The following SLIT3 variants were observed in gnomAD, a reference collection of about 807,000 sequenced individuals.
The protein encoded by SLIT3 is slit homolog 3 protein.
In SLIT3, 68 loss-of-function variants were observed where a neutral mutation model predicts 184.0. The ratio of observed to expected loss-of-function variants is 0.37; its 90% CI spans 0.30 to 0.45. The LOEUF is 0.45. SLIT3 is among the 20% of genes least tolerant of loss of function. The pLI is 1.00. For missense variants in SLIT3, 1,707 were observed against 2,026.0 expected (o/e 0.84, Z 3.02); for synonymous variants, 831 against 828.6 (o/e 1.00, Z -0.05).
intron 4 of SLIT3, among the ~76,000 whole-genome samples, chr5:168,937,211 G>A (rs533018486): frequency 6.6e-6 from 1 of 152,230 alleles, no homozygotes; most frequent in South Asian, 2.1e-4. Context: ...CAGAGGCCAA[G>A]GGGTGAGTGC....
chr5:169,162,039 A>G (rs1762498444), intron 4 of SLIT3, among the ~76,000 whole-genome samples: 1 of 152,252 alleles, frequency 6.6e-6, no homozygotes, highest in African/African-American at 2.4e-5. Context: ...CTATGTATAT[A>G]TGGGATATTC....
At chr5:168,892,501 G>T (rs1731105346) in intron 4 of SLIT3, among the ~76,000 whole-genome samples, 1 of 152,214 alleles carries the variant, frequency 6.6e-6, no homozygotes, top group Non-Finnish European at 1.5e-5. Context: ...ACTGCTTGGG[G>T]GTTCTGAGTA....
chr5:169,246,288 G>C (rs1241104267), intron 2 of SLIT3, among the ~76,000 whole-genome samples: 1 of 152,068 alleles, frequency 6.6e-6, no homozygotes, highest in Non-Finnish European at 1.5e-5. Flanking sequence ...ATTACTTCTG[G>C]CCCCTTACAA....
At chr5:168,965,857 G>A (rs559660595) in intron 4 of SLIT3, among the ~76,000 whole-genome samples, 5 of 152,248 alleles carry the variant, frequency 3.3e-5, no homozygotes, top group South Asian at 4.1e-4. Context: ...TCATGCCAGC[G>A]CACGCTCTCT....
chr5:169,158,173 C>T (rs958846035), intron 4 of SLIT3, among the ~76,000 whole-genome samples: 2 of 152,230 alleles, frequency 1.3e-5, no homozygotes, highest in South Asian at 2.1e-4. Flanking sequence ...TGCCAAGACG[C>T]ACCATAGAAA....
chr5:169,128,517 C>A (rs1330255735), intron 4 of SLIT3, among the ~76,000 whole-genome samples: 1 of 152,060 alleles, frequency 6.6e-6, no homozygotes, highest in Non-Finnish European at 1.5e-5. Context: ...CAACCTGCGC[C>A]TCCTGGGTTC....
chr5:169,225,436 A>G (rs1328517304), intron 3 of SLIT3, among the ~76,000 whole-genome samples: 1 of 152,216 alleles, frequency 6.6e-6, no homozygotes, highest in Non-Finnish European at 1.5e-5. Flanking sequence ...GACGCTGCTC[A>G]CTCTCACAGC....
chr5:168,948,919 G>A (rs901005688), intron 4 of SLIT3, among the ~76,000 whole-genome samples: 14 of 152,282 alleles, frequency 9.2e-5, no homozygotes, highest in African/African-American at 3.1e-4. Context: ...AGTCAACTTT[G>A]GGTGTGTCTT....
At chr5:168,785,258 T>C (rs1353542714) in intron 12 of SLIT3, among the ~76,000 whole-genome samples, 1 of 152,224 alleles carries the variant, frequency 6.6e-6, no homozygotes, top group Non-Finnish European at 1.5e-5. Context: ...TGAGCTAAAT[T>C]CTTTTCCTTC....
rs145023961 is a variant in SLIT3 at position 168,943,671 on chromosome 5, G to C, written c.414-60335C>G. On this transcript the variant is annotated intron_variant, in intron 4 of 35. Transcript: ENST00000519560. ...TGTAAAGCTAGGAAGCATTATGCAA[G>C]TGCAAGGTATTATATGAGTGAACAC... Among the ~76,000 whole-genome samples, 612 of 152,352 alleles carry C rather than the reference G, an allele frequency of 4.0e-3. 5 individuals carry two copies. Among genetic ancestry groups the C allele is most frequent in the African/African-American group, 0.014 (588 of 41,572 alleles).
chr5:169,097,135 C>T (rs1176156478), intron 4 of SLIT3, among the ~76,000 whole-genome samples: 3 of 152,158 alleles, frequency 2.0e-5, no homozygotes, highest in Admixed American at 1.3e-4. Context: ...TTGTTAGGAC[C>T]CATGAGGCTG....
At chr5:168,675,143 A>G (rs1761368858) in intron 32 of SLIT3, among the ~76,000 whole-genome samples, 1 of 151,912 alleles carries the variant, frequency 6.6e-6, no homozygotes, top group Non-Finnish European at 1.5e-5. Flanking sequence ...GGAATGTGAC[A>G]CCTCTTCCTT....
intron 11 of SLIT3, among the ~76,000 whole-genome samples, chr5:168,787,348 C>T (rs1399415294): frequency 6.6e-6 from 1 of 152,180 alleles, no homozygotes; most frequent in Non-Finnish European, 1.5e-5. Context: ...GGCTTCTGAG[C>T]CCAGTGCGTC....
intron 27 of SLIT3, among the ~76,000 whole-genome samples, chr5:168,697,401 C>A (rs973601778): frequency 1.3e-5 from 2 of 152,170 alleles, no homozygotes; most frequent in Non-Finnish European, 2.9e-5. Flanking sequence ...TCGGTTAGAA[C>A]AGATAAAGGC....
chr5:169,082,606 C>T (rs2113166405), intron 4 of SLIT3, among the ~76,000 whole-genome samples: 1 of 152,278 alleles, frequency 6.6e-6, no homozygotes, highest in South Asian at 2.1e-4. Flanking sequence ...CTCTACCTAC[C>T]TACCTGAATC....
chr5:169,027,031 T>A (rs553993850), intron 4 of SLIT3, among the ~76,000 whole-genome samples: 1 of 152,344 alleles, frequency 6.6e-6, no homozygotes, highest in South Asian at 2.1e-4. Flanking sequence ...AAACATTAGA[T>A]GACAGTGGAT....
intron 4 of SLIT3, among the ~76,000 whole-genome samples, chr5:169,046,762 C>G (rs1314763870): frequency 1.3e-5 from 2 of 152,124 alleles, no homozygotes; most frequent in Non-Finnish European, 2.9e-5. Flanking sequence ...GTATTATGAG[C>G]CCCATGTGTG....
At chr5:168,949,707 C>G (rs1762590979) in intron 4 of SLIT3, among the ~76,000 whole-genome samples, 1 of 152,108 alleles carries the variant, frequency 6.6e-6, no homozygotes, top group Non-Finnish European at 1.5e-5. Flanking sequence ...TCAGGTGATT[C>G]TCCCACCTCA....
At position 169,114,807 on chromosome 5, in the gene SLIT3, C is replaced by T. The variant is rs377545817; in HGVS notation, c.413+78672G>A. ...AGACGGGTCCTCCCTGGCTCCGTGG[C>T]GGCAGAGCCGGGATTACCCACTGAC... On this transcript the variant is annotated intron_variant, in intron 4 of 35. Coordinates refer to ENST00000519560, the MANE Select transcript of SLIT3 (RefSeq NM_003062.4). 1.4e-4 allele frequency among the ~76,000 whole-genome samples: 21 copies of T among 152,308 alleles called. No individual in the cohort carries two copies. In the East Asian group the frequency reaches 3.1e-3, roughly 22 times the overall value.
Sources: gnomAD v4.1 joint callset for allele counts (sites outside exome capture counted in the v4.1 genomes callset) on GRCh38, gnomAD v4.1.1 for gene constraint, MANE v1.5 for transcripts, NCBI Gene and HGNC (gene_info 2026-07-23, HGNC 2026-07-21) for gene names.